Variants in TTC23 observed in about 807,000 individuals in gnomAD.
TTC23 encodes tetratricopeptide repeat domain 23.
Under a neutral mutation model 55.1 loss-of-function variants are expected in TTC23, and 58 were observed. The observed-to-expected ratio is 1.05, with a 90% CI of 0.85 to 1.31. The LOEUF is 1.31. Among genes scored for constraint, TTC23 ranks in the 50% most tolerant of loss-of-function variants. The pLI, the probability that TTC23 is intolerant of heterozygous loss-of-function variation, is 0.00. For synonymous variants in TTC23, 203 were observed against 199.9 expected (o/e 1.02, Z -0.13); for missense variants, 516 against 534.4 (o/e 0.97, Z 0.34).
chr15:99,237,654 G>A (rs774758895), intron 3 of TTC23, among the ~76,000 whole-genome samples: 3 of 152,254 alleles, frequency 2.0e-5, no homozygotes, highest in Middle Eastern at 3.4e-3. Flanking sequence ...GTGGTATGAC[G>A]GGGACGGGAC....
chr15:99,209,235 A>T (rs1015570567), intron 8 of TTC23, among the ~76,000 whole-genome samples: 11 of 152,214 alleles, frequency 7.2e-5, no homozygotes, highest in African/African-American at 2.4e-4. Context: ...AAAACTCTGG[A>T]ATTTGGCAAG....
At chr15:99,234,073 C>T (rs1207985352) in intron 4 of TTC23, among the ~76,000 whole-genome samples, 1 of 152,010 alleles carries the variant, frequency 6.6e-6, no homozygotes, top group Non-Finnish European at 1.5e-5. Context: ...AAACTTAAAA[C>T]TATAAAAACA....
intron 12 of TTC23, chr15:99,139,625 ACTAT>A: frequency 6.6e-7 from 1 of 1,513,920 alleles, no homozygotes; most frequent in Non-Finnish European, 8.9e-7. Flanking sequence ...ACTCTCTGTG[ACTAT>A]CTGTATGCAA....
intron 8 of TTC23, among the ~76,000 whole-genome samples, chr15:99,202,883 T>C (rs536797748): frequency 6.6e-6 from 1 of 152,356 alleles, no homozygotes; most frequent in South Asian, 2.1e-4. Context: ...CTGAACACAC[T>C]GGTTGTTGTG....
intron 5 of TTC23, 92 bp downstream of exon 5, chr15:99,228,441 T>C (rs1358188661): frequency 4.2e-6 from 5 of 1,183,964 alleles, no homozygotes; most frequent in Non-Finnish European, 5.8e-6. Context: ...ACTGCTGAGA[T>C]TAGGAATGTA....
intron 11 of TTC23, among the ~76,000 whole-genome samples, chr15:99,156,611 T>C (rs1012995377): frequency 6.6e-6 from 1 of 152,230 alleles, no homozygotes; most frequent in South Asian, 2.1e-4. Flanking sequence ...AAGCCCCTTA[T>C]AAAACCATCA....
chr15:99,228,835 A>G, intron 4 of TTC23, 103 bp from the exon 5 acceptor site: 1 of 945,888 alleles, frequency 1.1e-6, no homozygotes, highest in Non-Finnish European at 1.5e-6. Context: ...TGAAATTAGT[A>G]GCATTATATC....
chr15:99,213,427 C>A (rs1262734194), intron 8 of TTC23, among the ~76,000 whole-genome samples: 1 of 152,226 alleles, frequency 6.6e-6, no homozygotes, highest in Admixed American at 6.5e-5. Context: ...TTGGAAAGCA[C>A]TCAGAGGAGG....
chr15:99,186,846 C>T (rs1409936209), intron 9 of TTC23, among the ~76,000 whole-genome samples: 3 of 151,992 alleles, frequency 2.0e-5, no homozygotes, highest in Non-Finnish European at 2.9e-5. Flanking sequence ...GATTGAAAGG[C>T]TTAATATTGT....
At chr15:99,189,743 T>C (rs1191821611) in intron 9 of TTC23, among the ~76,000 whole-genome samples, 2 of 152,172 alleles carry the variant, frequency 1.3e-5, no homozygotes, top group African/African-American at 4.8e-5. Context: ...TGAGAAACTA[T>C]TCTAGATTAA....
chr15:99,138,937 GGTCA>G lies in TTC23; in HGVS notation c.1226+376_1226+379del, dbSNP rs1555488592. On this transcript the variant is annotated intron_variant, in intron 13 of 13. Transcript: ENST00000394132. ...AAAGGACGTAGGGGCCAGCCTTTAA[GGTCA>G]GTCAGTGAACCTTCCGGCTCCAGTC... 4.6e-5 allele frequency among the ~76,000 whole-genome samples: 7 copies of G among 152,198 alleles called. No homozygotes were observed. The South Asian group carries it at 1.5e-3, about 32-fold the overall frequency.
intron 12 of TTC23, among the ~76,000 whole-genome samples, chr15:99,147,370 C>T (rs57142376): frequency 0.033 from 5,045 of 151,940 alleles, 257 homozygotes; most frequent in African/African-American, 0.12. Flanking sequence ...GGACTACAGG[C>T]GCCCGCCACC....
intron 10 of TTC23, 149 bp downstream of exon 10, chr15:99,174,901 T>C: frequency 1.6e-6 from 1 of 618,748 alleles, no homozygotes; most frequent in South Asian, 2.0e-5. Flanking sequence ...AGCAGCAGAG[T>C]AGCATAGGGG....
chr15:99,247,236 T>A (rs1355131147), intron 1 of TTC23, among the ~76,000 whole-genome samples: 4 of 152,072 alleles, frequency 2.6e-5, no homozygotes, highest in Non-Finnish European at 5.9e-5. Flanking sequence ...AAATGGGAAA[T>A]TCACCTTGGA....
intron 4 of TTC23, among the ~76,000 whole-genome samples, chr15:99,229,957 A>T (rs2078799921): frequency 6.6e-6 from 1 of 152,342 alleles, no homozygotes; most frequent in Non-Finnish European, 1.5e-5. Flanking sequence ...AGAGGATAAT[A>T]CTCAAGGATG....
chr15:99,184,596 C>T (rs1016093024), intron 9 of TTC23, among the ~76,000 whole-genome samples: 2 of 152,190 alleles, frequency 1.3e-5, no homozygotes, highest in Admixed American at 1.3e-4. Context: ...TGTATTTACC[C>T]AATATCTGTA....
intron 8 of TTC23, among the ~76,000 whole-genome samples, chr15:99,208,487 ATG>A (rs1431111974): frequency 1.3e-5 from 2 of 152,144 alleles, no homozygotes; most frequent in African/African-American, 2.4e-5. Context: ...CTACATATAT[ATG>A]TGTCTAAAAT....
chr15:99,232,802 A>G (rs1353682734), intron 4 of TTC23, among the ~76,000 whole-genome samples: 1 of 152,212 alleles, frequency 6.6e-6, no homozygotes, highest in Non-Finnish European at 1.5e-5. Context: ...ACATCCAAAG[A>G]ACAGTATTAG....
chr15:99,138,823 C>T (rs893554791), intron 13 of TTC23, among the ~76,000 whole-genome samples: 20 of 151,812 alleles, frequency 1.3e-4, no homozygotes, highest in Non-Finnish European at 2.7e-4. Context: ...CCTGAGCAGA[C>T]TCAGGCAGCC....
Sources: gnomAD v4.1 joint callset for allele counts (sites outside exome capture counted in the v4.1 genomes callset) on GRCh38, gnomAD v4.1.1 for gene constraint, MANE v1.5 for transcripts, NCBI Gene and HGNC (gene_info 2026-07-23, HGNC 2026-07-21) for gene names.